Variants in MAN1C1 observed in about 807,000 individuals in gnomAD.
MAN1C1 encodes mannosidase alpha class 1C member 1, also known as mannosyl-oligosaccharide 1,2-alpha-mannosidase IC.
MAN1C1 carries 49 observed loss-of-function variants against 71.5 expected under a neutral mutation model. That is an observed-to-expected ratio of 0.69 (90% CI 0.54 to 0.87). MAN1C1 has a LOEUF of 0.87. MAN1C1 is among the 40% of genes least tolerant of loss of function. The probability of loss-of-function intolerance (pLI) is 0.00; values close to 1 mark genes in which losing one functional copy is unlikely to be tolerated. For synonymous variants in MAN1C1, 352 were observed against 343.7 expected, an observed-to-expected ratio of 1.02 and a Z score of -0.27; for missense variants, 743 against 835.0, an observed-to-expected ratio of 0.89 and a Z score of 1.36.
At chr1:25,768,246 A>ACAAT in intron 7 of MAN1C1, among the ~76,000 whole-genome samples, 1 of 36,136 alleles carries the variant, frequency 2.8e-5, no homozygotes, top group Non-Finnish European at 5.2e-5. Context: ...CCTCACACAC[A>ACAAT]TCCACACTCC....
rs2047131889 is a variant in MAN1C1 at position 25,746,600 on chromosome 1, T to A, written c.638-68T>A. On this transcript the variant is annotated intron_variant, in intron 2 of 11. Transcript: ENST00000374332. This position sits in a 1 kb window ranked among gnomAD's most constrained non-coding sequence, Gnocchi z 4.0. ...GGCATTGGAGGGGCCCTGAGAACGG[T>A]GGCTTGTCCAGTTGGGGAAAAGAGA... The A allele has an allele frequency of 8.0e-7, 1 of 1,252,188 alleles. No individual in the cohort carries two copies. The highest frequency in any genetic ancestry group is 1.8e-4 in the Middle Eastern group (1 of 5,426). 77.6% of individuals were successfully genotyped at this position (1,252,188 alleles called of 1,614,324 possible).
chr1:25,679,846 G>T (rs893231069), intron 1 of MAN1C1, among the ~76,000 whole-genome samples: 20 of 145,996 alleles, frequency 1.4e-4, no homozygotes. Flanking sequence ...TTTCCAAAAA[G>T]AATGACATTT....
intron 1 of MAN1C1, among the ~76,000 whole-genome samples, chr1:25,649,840 G>A (rs948333827): frequency 2.0e-5 from 3 of 152,178 alleles, no homozygotes; most frequent in African/African-American, 7.2e-5. Flanking sequence ...GTTTCACCAT[G>A]TTGGCTAGGC....
At chr1:25,639,372 T>G (rs533622886) in intron 1 of MAN1C1, among the ~76,000 whole-genome samples, 22 of 152,230 alleles carry the variant, frequency 1.4e-4, no homozygotes, top group Non-Finnish European at 2.4e-4. Context: ...CTGCTGAGTA[T>G]GGGTCACAGC....
chr1:25,724,026 CTTT>C (rs1209904579), intron 2 of MAN1C1, among the ~76,000 whole-genome samples: 4 of 135,452 alleles, frequency 3.0e-5, no homozygotes, highest in Admixed American at 2.2e-4. Flanking sequence ...GACTGCCTAC[CTTT>C]TTTTTTTTTT....
intron 6 of MAN1C1, chr1:25,759,799 G>A (rs1055134361): frequency 2.6e-5 from 4 of 152,166 alleles, no homozygotes; most frequent in African/African-American, 9.7e-5. Context: ...GTGTCCTTAA[G>A]AAGCTCAAGA....
intron 1 of MAN1C1, among the ~76,000 whole-genome samples, chr1:25,651,498 G>T (rs760921): frequency 0.05 from 7,607 of 152,308 alleles, 632 homozygotes; most frequent in African/African-American, 0.17. Context: ...GGAAGGGGCA[G>T]CCCAGCACTG....
intron 2 of MAN1C1, among the ~76,000 whole-genome samples, chr1:25,741,265 C>G (rs1264961843): frequency 6.6e-6 from 1 of 152,180 alleles, no homozygotes; most frequent in Non-Finnish European, 1.5e-5. Context: ...CAGGCGTGAG[C>G]CACTGTGCCT....
chr1:25,629,674 G>A (rs1389252977), intron 1 of MAN1C1, among the ~76,000 whole-genome samples: 4 of 151,816 alleles, frequency 2.6e-5, no homozygotes, highest in Non-Finnish European at 5.9e-5. Flanking sequence ...GCCCACCTCG[G>A]CCTCCCAAAG....
At position 25,779,714 on chromosome 1, in the gene MAN1C1, C is replaced by T. The variant is rs545915628; in HGVS notation, c.1478-1226C>T. ...TGGCAAAATGACTGTTTTCTGATGGCCAGGAGCCGCTACACCATTTGAAAA... is the reference window on the plus strand; with the variant it reads ...TGGCAAAATGACTGTTTTCTGATGGTCAGGAGCCGCTACACCATTTGAAAA... On this transcript the variant is annotated intron_variant, in intron 9 of 11. Coordinates refer to ENST00000374332, the MANE Select transcript of MAN1C1 (RefSeq NM_020379.4). This position sits in a 1 kb window ranked among gnomAD's most constrained non-coding sequence, Gnocchi z 4.6. Among the ~76,000 whole-genome samples, 34 of 152,324 alleles carry T rather than the reference C, an allele frequency of 2.2e-4. No individual in the cohort carries two copies. Among genetic ancestry groups the T allele is most frequent in the Non-Finnish European group, 4.1e-4 (28 of 68,040 alleles).
chr1:25,721,322 G>A (rs536506383), intron 2 of MAN1C1, among the ~76,000 whole-genome samples: 2 of 152,222 alleles, frequency 1.3e-5, no homozygotes, highest in South Asian at 4.1e-4. Context: ...CTGCGAAAAA[G>A]CCAGTTGGGA....
At chr1:25,692,589 TGAG>T (rs1464085913) in intron 2 of MAN1C1, among the ~76,000 whole-genome samples, 1 of 152,146 alleles carries the variant, frequency 6.6e-6, no homozygotes, top group Non-Finnish European at 1.5e-5. Context: ...ATTGCACAGA[TGAG>T]GAGATTGGGA....
At position 25,735,287 on chromosome 1, in the gene MAN1C1, G is replaced by A. The variant is rs990204494; in HGVS notation, c.638-11381G>A. Among the ~76,000 whole-genome samples, 2 of 152,126 alleles carry A rather than the reference G, an allele frequency of 1.3e-5. No homozygotes were observed. Among genetic ancestry groups the A allele is most frequent in the South Asian group, 2.1e-4 (1 of 4,818 alleles). ...ACAAAAATTAGCCGGGCATGCTGAC[G>A]CATGCCTGTAATCCCAGCTACTTGG... On this transcript the variant is annotated intron_variant, in intron 2 of 11. Transcript: ENST00000374332. The surrounding 1 kb of genome is among the most constrained non-coding windows in gnomAD (Gnocchi z 4.6).
In MAN1C1 at chr1:25,629,053, C is replaced by A. The variant is rs1475721550; in HGVS notation, c.540+10716C>A. Among the ~76,000 whole-genome samples, 4 of 152,310 alleles carry A rather than the reference C, an allele frequency of 2.6e-5. No homozygotes were observed. The East Asian group carries it at 5.8e-4, about 22-fold the overall frequency. ...CAATTGTGAATTGTGCTGCAGTAAACATGCGTGTACATGTGTCTTTTTCAT... is the reference window on the plus strand; with the variant it reads ...CAATTGTGAATTGTGCTGCAGTAAAAATGCGTGTACATGTGTCTTTTTCAT... On this transcript the variant is annotated intron_variant, in intron 1 of 11. Coordinates refer to ENST00000374332, the MANE Select transcript of MAN1C1 (RefSeq NM_020379.4).
At chr1:25,701,590 T>TA (rs894913036) in intron 2 of MAN1C1, among the ~76,000 whole-genome samples, 11 of 152,222 alleles carry the variant, frequency 7.2e-5, no homozygotes, top group Non-Finnish European at 1.3e-4. Flanking sequence ...CTATTCAACT[T>TA]ACCTTGTGCA....
chr1:25,640,455 G>A (rs2045521657), intron 1 of MAN1C1, among the ~76,000 whole-genome samples: 1 of 152,128 alleles, frequency 6.6e-6, no homozygotes, highest in Admixed American at 6.5e-5. Flanking sequence ...TCCTTTCCAA[G>A]TCTCCCAGAA....
At chr1:25,679,972 T>C (rs1346373040) in intron 1 of MAN1C1, among the ~76,000 whole-genome samples, 2 of 136,738 alleles carry the variant, frequency 1.5e-5, no homozygotes, top group Non-Finnish European at 3.0e-5. Flanking sequence ...TATATATATA[T>C]ATATATACAC....
At chr1:25,743,995 C>G (rs560924958) in intron 2 of MAN1C1, among the ~76,000 whole-genome samples, 4 of 152,322 alleles carry the variant, frequency 2.6e-5, no homozygotes, top group East Asian at 3.9e-4. Context: ...GGCCAGTCCC[C>G]CCTTGGTCTA....
At chr1:25,687,451 G>A (rs1490138269) in intron 2 of MAN1C1, among the ~76,000 whole-genome samples, 3 of 152,196 alleles carry the variant, frequency 2.0e-5, no homozygotes, top group Non-Finnish European at 4.4e-5. Flanking sequence ...TGAGGGACAG[G>A]AGTGGTGTGG....
Sources: allele counts gnomAD v4.1 joint callset (sites outside exome capture counted in the v4.1 genomes callset), GRCh38; gene constraint gnomAD v4.1.1; non-coding constraint Gnocchi (gnomAD v3.1); transcripts MANE v1.5; gene names NCBI Gene and HGNC (gene_info 2026-07-23, HGNC 2026-07-21).